SOX6: variants seen among roughly 807,000 people sequenced by gnomAD.
SOX6 encodes the protein SRY-box transcription factor 6.
In SOX6, 11 loss-of-function variants were observed where a neutral mutation model predicts 97.8. That is an observed-to-expected ratio of 0.11 (90% confidence interval 0.07 to 0.19). The LOEUF (loss-of-function observed/expected upper bound fraction) is 0.19. Ranked by LOEUF, SOX6 falls within the 10% of genes least tolerant of loss-of-function variation. The pLI, the probability that SOX6 is intolerant of heterozygous loss-of-function variation, is 1.00. For synonymous variants in SOX6, 360 were observed against 371.4 expected (o/e 0.97, Z 0.35); for missense variants, 810 against 1,039.5 (o/e 0.78, Z 3.04).
At chr11:16,151,531 C>T (rs897858987) in intron 6 of SOX6, among the ~76,000 whole-genome samples, 2 of 152,110 alleles carry the variant, frequency 1.3e-5, no homozygotes, top group African/African-American at 4.8e-5. Flanking sequence ...AATTCATCCA[C>T]AGAGAAAATT....
intron 10 of SOX6, among the ~76,000 whole-genome samples, chr11:16,053,807 A>T (rs139300879): frequency 6.6e-6 from 1 of 152,150 alleles, no homozygotes; most frequent in Non-Finnish European, 1.5e-5. Flanking sequence ...ACAGAGAAAA[A>T]GCAATGACTA....
intron 4 of SOX6, among the ~76,000 whole-genome samples, chr11:16,228,946 GT>G (rs1414399244): frequency 6.6e-6 from 1 of 152,054 alleles, no homozygotes; most frequent in Non-Finnish European, 1.5e-5. Flanking sequence ...GAAACCACTG[GT>G]TTTTTAAGTA....
intron 4 of SOX6, among the ~76,000 whole-genome samples, chr11:16,526,489 G>A (rs5011327): frequency 6.6e-6 from 1 of 151,462 alleles, no homozygotes; most frequent in Admixed American, 6.6e-5. Context: ...GTTGTGGGGT[G>A]GGGGGAGTGG....
At chr11:16,640,342 G>A (rs1341718906) in intron 3 of SOX6, among the ~76,000 whole-genome samples, 2 of 152,200 alleles carry the variant, frequency 1.3e-5, no homozygotes, top group Non-Finnish European at 2.9e-5. Context: ...TTGCATCGAT[G>A]TTCATCAGGG....
intron 4 of SOX6, among the ~76,000 whole-genome samples, chr11:16,495,028 C>A (rs1456238058): frequency 6.6e-6 from 1 of 152,154 alleles, no homozygotes; most frequent in Non-Finnish European, 1.5e-5. Flanking sequence ...CCCTGCATCT[C>A]CACATCCCTG....
At chr11:16,312,584 CACG>C (rs1855635486) in intron 3 of SOX6, 1 of 152,210 alleles carries the variant, frequency 6.6e-6, no homozygotes, top group African/African-American at 2.4e-5. Flanking sequence ...CCATTTAAAT[CACG>C]ACAACAACCA....
chr11:16,198,264 T>A (rs988952964), intron 4 of SOX6, among the ~76,000 whole-genome samples: 21 of 137,724 alleles, frequency 1.5e-4, no homozygotes, highest in African/African-American at 5.9e-4. Context: ...TTAGTAGAGA[T>A]GGGGTTTCAC....
At chr11:16,101,679 T>A (rs1487133994) in intron 7 of SOX6, among the ~76,000 whole-genome samples, 1 of 151,472 alleles carries the variant, frequency 6.6e-6, no homozygotes, top group Admixed American at 6.6e-5. Context: ...AAAATTGATT[T>A]AAAAAATCCT....
chr11:15,992,986 T>C (rs2119822564), intron 13 of SOX6, among the ~76,000 whole-genome samples: 1 of 152,312 alleles, frequency 6.6e-6, no homozygotes, highest in African/African-American at 2.4e-5. Flanking sequence ...AAGAAAGTAT[T>C]AGAGGCCACA....
At chr11:16,399,344 T>TA (rs1858478899) in intron 1 of SOX6, among the ~76,000 whole-genome samples, 1 of 150,278 alleles carries the variant, frequency 6.7e-6, no homozygotes, top group African/African-American at 2.5e-5. Context: ...TGTTTTATAT[T>TA]ATTTTTATTT....
chr11:16,230,910 A>C (rs1852828315), intron 4 of SOX6, among the ~76,000 whole-genome samples: 1 of 151,742 alleles, frequency 6.6e-6, no homozygotes, highest in African/African-American at 2.4e-5. Flanking sequence ...TCAGAGTGTA[A>C]TAAAAGATGC....
chr11:15,997,742 C>T (rs980227319), intron 13 of SOX6, among the ~76,000 whole-genome samples: 2 of 152,070 alleles, frequency 1.3e-5, no homozygotes, highest in Non-Finnish European at 2.9e-5. Context: ...AGTGAACTAC[C>T]GAATGCTTTC....
chr11:16,348,037 T>G (rs1856816880), intron 1 of SOX6, among the ~76,000 whole-genome samples: 2 of 140,246 alleles, frequency 1.4e-5, no homozygotes, highest in African/African-American at 2.7e-5. Context: ...GGAGTGAGAG[T>G]AGAAAGGGAG....
chr11:16,082,606 T>C (rs1165759197), intron 9 of SOX6, among the ~76,000 whole-genome samples: 2 of 152,156 alleles, frequency 1.3e-5, no homozygotes, highest in African/African-American at 4.8e-5. Flanking sequence ...GCATGTATCA[T>C]TACACTATTT....
At chr11:16,342,801 C>T (rs539105621) in intron 1 of SOX6, among the ~76,000 whole-genome samples, 3 of 151,868 alleles carry the variant, frequency 2.0e-5, no homozygotes, top group African/African-American at 4.8e-5. Context: ...TAATTATGCG[C>T]AGTTCAAAAT....
At chr11:16,172,344 T>C (rs1156526143) in intron 6 of SOX6, among the ~76,000 whole-genome samples, 1 of 152,130 alleles carries the variant, frequency 6.6e-6, no homozygotes, top group African/African-American at 2.4e-5. Flanking sequence ...CTTTCCATTA[T>C]ATAGCCGTAA....
At chr11:16,609,669 G>T (rs1274534996) in intron 4 of SOX6, among the ~76,000 whole-genome samples, 4 of 152,308 alleles carry the variant, frequency 2.6e-5, no homozygotes, top group Non-Finnish European at 5.9e-5. Flanking sequence ...ATCATATACT[G>T]CCTTTTTAAA....
chr11:16,686,771 TC>T (rs1847972355), intron 3 of SOX6, among the ~76,000 whole-genome samples: 1 of 152,222 alleles, frequency 6.6e-6, no homozygotes, highest in Non-Finnish European at 1.5e-5. Flanking sequence ...CTCCTCAGTA[TC>T]AATTTTCTGT....
intron 3 of SOX6, among the ~76,000 whole-genome samples, chr11:16,285,522 G>A (rs1375971865): frequency 1.3e-5 from 2 of 151,960 alleles, no homozygotes; most frequent in Non-Finnish European, 2.9e-5. Context: ...CAGCAAGAGC[G>A]AAACTCCATC....
Sources: gnomAD v4.1 joint callset for allele counts (sites outside exome capture counted in the v4.1 genomes callset) on GRCh38, gnomAD v4.1.1 for gene constraint, MANE v1.5 for transcripts, NCBI Gene and HGNC (gene_info 2026-07-23, HGNC 2026-07-21) for gene names.